The following HIBCH variants were observed in gnomAD, a reference collection of about 807,000 sequenced individuals.
The protein encoded by HIBCH is 3-hydroxyisobutyryl-CoA hydrolase, mitochondrial.
Under a neutral mutation model 58.2 loss-of-function variants are expected in HIBCH, and 50 were observed. The ratio of observed to expected loss-of-function variants is 0.86; its 90% confidence interval spans 0.68 to 1.09. HIBCH has a LOEUF of 1.09. HIBCH is among the 50% of genes least tolerant of loss of function. The pLI is 0.00. For synonymous variants in HIBCH, 151 were observed against 146.9 expected, an observed-to-expected ratio of 1.03 and a Z score of -0.20; for missense variants, 450 against 449.7, an observed-to-expected ratio of 1.00 and a Z score of -0.01.
Position 190,237,959 on chromosome 2 carries a change from T to C in HIBCH, c.891+6928A>G, listed in dbSNP as rs144491175. Among the ~76,000 whole-genome samples the C allele has an allele frequency of 6.0e-3, 913 of 152,260 alleles. 5 individuals are homozygous for C. Among genetic ancestry groups the C allele is most frequent in the African/African-American group, 0.021 (861 of 41,554 alleles). Reference sequence around the variant, plus strand: ...TCTTGTATTAGTTTGCCGAGAATGATGGTTTCCAGCTTCATCCATGTCCCT... The same window carrying C: ...TCTTGTATTAGTTTGCCGAGAATGACGGTTTCCAGCTTCATCCATGTCCCT... On this transcript the variant is annotated intron_variant, in intron 11 of 13. Transcript: ENST00000359678.
intron 1 of HIBCH, among the ~76,000 whole-genome samples, chr2:190,314,391 G>GTA (rs1428720018): frequency 2.0e-4 from 6 of 30,476 alleles, no homozygotes; most frequent in South Asian, 1.5e-3. Flanking sequence ...GTATATATAT[G>GTA]TATATATATA....
At chr2:190,294,411 C>T in intron 4 of HIBCH, 135 bp downstream of exon 4, 1 of 653,670 alleles carries the variant, frequency 1.5e-6, no homozygotes, top group East Asian at 2.8e-5. Context: ...TTTTCTTTTT[C>T]CTAAGAATGT....
chr2:190,314,188 CAAA>C (rs1362544446), intron 1 of HIBCH, among the ~76,000 whole-genome samples: 1 of 150,588 alleles, frequency 6.6e-6, no homozygotes, highest in Admixed American at 6.6e-5. Flanking sequence ...TTATTTAACT[CAAA>C]GAAAGTTAAT....
In HIBCH at chr2:190,290,458, T is replaced by C. The variant is rs779682473; in HGVS notation, c.332A>G (p.Gln111Arg). ...RVISEAEKAK[Q>R]KIAPVFFREE... ...TCTGAAGAAAACTGGAGCTATCTTC[T>C]GTTTTGCCTTTTCAGCTTCCGAGAT... Residue 111 changes from glutamine (Q) to arginine (R), a missense_variant, in exon 5 of 14, where the codon CAG becomes CGG. Coordinates refer to ENST00000359678, the MANE Select transcript of HIBCH (RefSeq NM_014362.4). The C allele has an allele frequency of 5.6e-6, 9 of 1,612,000 alleles. No homozygotes were observed. In the South Asian group the frequency reaches 8.8e-5, roughly 16 times the overall value.
At chr2:190,238,787 T>G (rs558211037) in intron 11 of HIBCH, among the ~76,000 whole-genome samples, 2 of 152,330 alleles carry the variant, frequency 1.3e-5, no homozygotes, top group East Asian at 3.9e-4. Context: ...TTGAGAAGTG[T>G]CTGTTCACAT....
At chr2:190,285,844 T>TTTTTG (rs1447782578) in intron 6 of HIBCH, among the ~76,000 whole-genome samples, 7 of 152,052 alleles carry the variant, frequency 4.6e-5, no homozygotes, top group African/African-American at 1.7e-4. Context: ...AAAGTATGTC[T>TTTTTG]TTTTGTTTTG....
Position 190,244,951 on chromosome 2 carries a change from G to C in HIBCH, c.827C>G (p.Thr276Ser). Residue 276 changes from threonine to serine, a missense_variant, in exon 11 of 14, where the codon ACT becomes AGT. By Grantham distance (58) the Thr-to-Ser change is moderately conservative. Transcript: ENST00000359678. ...DKINSCFSAN[T>S]VEEIIENLQQ... ...TAAGTTTTCAATAATTTCTTCCACA[G>C]TATTGGCTGAAAAACAACTATAAAA... is the stretch of plus-strand genomic sequence containing the variant. The C allele has an allele frequency of 2.5e-6, 4 of 1,606,530 alleles. No homozygotes were observed. Among genetic ancestry groups the C allele is most frequent in the Non-Finnish European group, 3.4e-6 (4 of 1,173,186 alleles).
chr2:190,246,390 TCTAGA>T (rs2105935155), intron 9 of HIBCH, among the ~76,000 whole-genome samples, 178 bp from the exon 10 acceptor site: 2 of 152,354 alleles, frequency 1.3e-5, no homozygotes, highest in African/African-American at 4.8e-5. Flanking sequence ...CATGTAGAAC[TCTAGA>T]CTAGCTCTTA....
intron 6 of HIBCH, among the ~76,000 whole-genome samples, chr2:190,280,269 G>A (rs1687668130): frequency 6.6e-6 from 1 of 152,172 alleles, no homozygotes. Flanking sequence ...ACACTGGGAT[G>A]GGGTTGGAGA....
intron 1 of HIBCH, among the ~76,000 whole-genome samples, chr2:190,192,629 TTGTCTTTCAGATCA>T (rs1318948809): frequency 3.9e-5 from 6 of 152,124 alleles, no homozygotes; most frequent in African/African-American, 1.4e-4. Context: ...ACTAAGAATA[TTGTCTTTCAGATCA>T]TGAACAGCAT....
chr2:190,280,058 T>A (rs746082974), intron 6 of HIBCH: 1 of 151,916 alleles, frequency 6.6e-6, no homozygotes, highest in Non-Finnish European at 1.5e-5. Flanking sequence ...ATGGCCTGGC[T>A]GAGAAAATTA....
At chr2:190,295,436 T>A (rs1688078981) in intron 3 of HIBCH, among the ~76,000 whole-genome samples, 1 of 152,250 alleles carries the variant, frequency 6.6e-6, no homozygotes, top group Admixed American at 6.5e-5. Flanking sequence ...GGACCCTGAA[T>A]AAACAGTGTG....
intron 6 of HIBCH, among the ~76,000 whole-genome samples, chr2:190,272,445 C>A (rs557576501): frequency 3.9e-5 from 6 of 152,188 alleles, no homozygotes; most frequent in Non-Finnish European, 7.3e-5. Context: ...CGCTTTTCTT[C>A]TCTGAAATAC....
At chr2:190,278,350 C>T (rs996901104) in intron 6 of HIBCH, among the ~76,000 whole-genome samples, 2 of 151,972 alleles carry the variant, frequency 1.3e-5, no homozygotes, top group Admixed American at 1.3e-4. Flanking sequence ...GATTACAGGC[C>T]CCCGCCACCA....
intron 11 of HIBCH, among the ~76,000 whole-genome samples, chr2:190,224,046 A>G (rs560659350): frequency 5.4e-4 from 82 of 152,174 alleles, no homozygotes; most frequent in African/African-American, 2.0e-3. Flanking sequence ...AAATCAGGAC[A>G]CTCCCACCCT....
At chr2:190,222,025 A>T (rs1685733597) in intron 11 of HIBCH, among the ~76,000 whole-genome samples, 1 of 152,204 alleles carries the variant, frequency 6.6e-6, no homozygotes. Context: ...AAAGTCTGGC[A>T]CACTGACCCT....
chr2:190,236,676 A>G lies in HIBCH; in HGVS notation c.891+8211T>C, dbSNP rs1297671188. Among the ~76,000 whole-genome samples the G allele has an allele frequency of 6.6e-6, 1 of 152,194 alleles. No homozygotes were observed. The highest frequency in any genetic ancestry group is 1.9e-4 in the East Asian group (1 of 5,198). On this transcript the variant is annotated intron_variant, in intron 11 of 13. Coordinates refer to ENST00000359678, the MANE Select transcript of HIBCH (RefSeq NM_014362.4). The surrounding 1 kb of genome is among the most constrained non-coding windows in gnomAD (Gnocchi z 4.1). ...CAGACCTTCAAAACATGGCACTAAT[A>G]TTCTTTTTTGTATCTACAATAAAAG...
chr2:190,270,679 C>T (rs368541040), intron 6 of HIBCH, among the ~76,000 whole-genome samples: 17 of 152,136 alleles, frequency 1.1e-4, no homozygotes, highest in African/African-American at 3.6e-4. Flanking sequence ...GATTTGTCAT[C>T]GCACATGCTT....
At chr2:190,267,832 C>T (rs1417599616) in intron 6 of HIBCH, among the ~76,000 whole-genome samples, 6 of 71,534 alleles carry the variant, frequency 8.4e-5, no homozygotes, top group African/African-American at 1.2e-4. Flanking sequence ...CTAAGGGGAC[C>T]TCAGGAACTA....
Sources: gnomAD v4.1 joint callset for allele counts (sites outside exome capture counted in the v4.1 genomes callset) on GRCh38, gnomAD v4.1.1 for gene constraint, Gnocchi (gnomAD v3.1) non-coding constraint, MANE v1.5 for transcripts, NCBI Gene and HGNC (gene_info 2026-07-23, HGNC 2026-07-21) for gene names.